Variants in DUSP19 observed in about 807,000 individuals in gnomAD.
DUSP19 encodes the protein dual specificity protein phosphatase 19.
Under a neutral mutation model 16.6 loss-of-function variants are expected in DUSP19, and 14 were observed. That is an observed-to-expected ratio of 0.84 (90% CI 0.56 to 1.32). The LOEUF (loss-of-function observed/expected upper bound fraction) is 1.32, where lower values mean the gene tolerates loss of function less well. Ranked by LOEUF, DUSP19 falls within the 40% of genes most tolerant of loss-of-function variation. The pLI is 0.00. For missense variants in DUSP19, 258 were observed against 255.9 expected (o/e 1.01, Z -0.06); for synonymous variants, 81 against 90.5 (o/e 0.90, Z 0.59).
At chr2:183,081,269 TAGGGTCTCAA>T (rs1324036368) in intron 1 of DUSP19, among the ~76,000 whole-genome samples, 1 of 152,124 alleles carries the variant, frequency 6.6e-6, no homozygotes, top group Non-Finnish European at 1.5e-5. Flanking sequence ...TATTTTGAGA[TAGGGTCTCAA>T]AATAAATCCA....
At position 183,099,318 on chromosome 2, in the gene DUSP19, A is replaced by G. The variant is rs547092005; in HGVS notation, c.*3660A>G. The G allele has an allele frequency of 6.6e-6, 1 of 152,278 alleles. No homozygotes were observed. Among genetic ancestry groups the G allele is most frequent in the Non-Finnish European group, 1.5e-5 (1 of 68,002 alleles). 9.4% of individuals were successfully genotyped at this position (152,278 alleles called of 1,614,324 possible). On this transcript the variant is annotated 3_prime_UTR_variant, in exon 4 of 4. Transcript: ENST00000354221. ...AGAAATGTGGCATGATTACTTATTTATTTGTTCCAGGTGACTCTAAATAGT... is the reference window on the plus strand; with the variant it reads ...AGAAATGTGGCATGATTACTTATTTGTTTGTTCCAGGTGACTCTAAATAGT...
In DUSP19 at chr2:183,097,032, T is replaced by C. The variant is rs999732476; in HGVS notation, c.*1374T>C. 6.6e-6 allele frequency: 1 copy of C among 151,300 alleles called. No individual in the cohort carries two copies. Among genetic ancestry groups the C allele is most frequent in the African/African-American group, 2.4e-5 (1 of 41,172 alleles). 9.4% of individuals were successfully genotyped at this position (151,300 alleles called of 1,614,324 possible). A position where few individuals can be genotyped will look rare whatever the true frequency, so the allele number is the denominator to read the frequency against. On this transcript the variant is annotated 3_prime_UTR_variant, in exon 4 of 4. Coordinates refer to ENST00000354221, the MANE Select transcript of DUSP19 (RefSeq NM_080876.4). ...AGACAGTTTCTTTTTTCTTTTCTTT[T>C]TTTTTTTTTTCGAGACAGGGTCTTG...
At position 183,095,749 on chromosome 2, in the gene DUSP19, C is replaced by T. The variant is rs35941903; in HGVS notation, c.*91C>T. The T allele has an allele frequency of 0.098, 97,435 of 996,654 alleles. 5,775 individuals carry two copies. The highest frequency in any genetic ancestry group is 0.24 in the African/African-American group (14,289 of 60,632). The allele number at this position is 996,654 out of a possible 1,614,324, so 61.7% of individuals were successfully genotyped here. Reference sequence around the variant, plus strand: ...TTTTTTGGAGAGTAGACTAGCAAAACTCCCTTTTTTCTCTTGCCTTTTTTA... The same window carrying T: ...TTTTTTGGAGAGTAGACTAGCAAAATTCCCTTTTTTCTCTTGCCTTTTTTA... On this transcript the variant is annotated 3_prime_UTR_variant, in exon 4 of 4. Transcript: ENST00000354221.
intron 2 of DUSP19, among the ~76,000 whole-genome samples, chr2:183,085,847 GTTTTTTTTTTTTTTT>G (rs71008261): frequency 0.041 from 2,097 of 50,902 alleles, 42 homozygotes; most frequent in Non-Finnish European, 0.062. Flanking sequence ...AGGTTGTTAG[GTTTTTTTTTTTTTTT>G]TTTTTTTTTT....
rs998867430 is a variant in DUSP19, at chr2:183,099,771, A to T, written c.*4113A>T. On this transcript the variant is annotated 3_prime_UTR_variant, in exon 4 of 4. Coordinates refer to ENST00000354221, the MANE Select transcript of DUSP19 (RefSeq NM_080876.4). ...ATCCCAACATTTTGGGAGGCCAAGG[A>T]GATGGATCACTTGAGGCCAGGAGTT... 1 of 151,798 alleles carries T rather than the reference A, an allele frequency of 6.6e-6. No homozygotes were observed. The highest frequency in any genetic ancestry group is 2.4e-5 in the African/African-American group (1 of 41,134). 9.4% of individuals were successfully genotyped at this position (151,798 alleles called of 1,614,324 possible).
In DUSP19 at chr2:183,079,173, C is replaced by CT. The variant is rs778151217; in HGVS notation, c.226+16dup. 16 of 1,607,230 alleles carry CT rather than the reference C, an allele frequency of 1.0e-5. No individual in the cohort carries two copies. The Admixed American group carries it at 2.7e-4, about 27-fold the overall frequency. On this transcript the variant is annotated intron_variant, in intron 1 of 3. Coordinates refer to ENST00000354221, the MANE Select transcript of DUSP19 (RefSeq NM_080876.4). ...GGTTGCTCCTAGGTGAGTATATCGA[C>CT]TTGCCACTAGATCATTGAGTCCTTT...
At position 183,078,879 on chromosome 2, in the gene DUSP19, C is replaced by A; in HGVS notation, c.-55C>A. ...GGCAATAAGGGACTAGCAGTTCAGC[C>A]GTTTTCTATGCCTGCTGGATTTGTT... On this transcript the variant is annotated 5_prime_UTR_variant, in exon 1 of 4. Coordinates refer to ENST00000354221, the MANE Select transcript of DUSP19 (RefSeq NM_080876.4). 3 of 1,537,746 alleles carry A rather than the reference C, an allele frequency of 2.0e-6. No individual in the cohort carries two copies. The highest frequency in any genetic ancestry group is 8.9e-7 in the Non-Finnish European group (1 of 1,121,208).
At chr2:183,082,314 C>T (rs1399097062) in intron 1 of DUSP19, among the ~76,000 whole-genome samples, 2 of 151,816 alleles carry the variant, frequency 1.3e-5, no homozygotes, top group Admixed American at 6.6e-5. Flanking sequence ...TCTATGTATA[C>T]CTCCTTTCCA....
In DUSP19 at chr2:183,096,672, C is replaced by G. The variant is rs1699807382; in HGVS notation, c.*1014C>G. The G allele has an allele frequency of 6.7e-6, 1 of 148,396 alleles. No individual in the cohort carries two copies. Among genetic ancestry groups the G allele is most frequent in the Non-Finnish European group, 1.5e-5 (1 of 67,304 alleles). The allele number at this position is 148,396 out of a possible 1,614,324, so 9.2% of individuals were successfully genotyped here. A position where few individuals can be genotyped will look rare whatever the true frequency, so the allele number is the denominator to read the frequency against. The stretch of plus-strand genomic sequence containing the variant: ...TTCTCTTACATTTTGTGCTTTTTAT[C>G]TTGGGTGCCTAGCATTCTGTTTTTT... On this transcript the variant is annotated 3_prime_UTR_variant, in exon 4 of 4. Transcript: ENST00000354221.
chr2:183,100,008 AT>A (rs1283494741), downstream of DUSP19: 2 of 149,048 alleles, frequency 1.3e-5, no homozygotes, highest in African/African-American at 2.5e-5. Flanking sequence ...AAAAAAAAAA[AT>A]GTTGGGAAGA....
intron 2 of DUSP19, among the ~76,000 whole-genome samples, chr2:183,085,959 G>A (rs1699656953): frequency 7.4e-6 from 1 of 135,500 alleles, no homozygotes; most frequent in South Asian, 2.4e-4. Flanking sequence ...TTTACCTCCT[G>A]GGTTCAAGTG....
chr2:183,082,821 C>T (rs551670790), intron 1 of DUSP19, among the ~76,000 whole-genome samples: 3 of 151,044 alleles, frequency 2.0e-5, no homozygotes, highest in Admixed American at 6.6e-5. Flanking sequence ...TTCGTTCGTT[C>T]GTTCGTTCCT....
At chr2:183,091,769 AG>A (rs1321376957) in intron 3 of DUSP19, among the ~76,000 whole-genome samples, 2 of 152,226 alleles carry the variant, frequency 1.3e-5, no homozygotes, top group Non-Finnish European at 2.9e-5. Context: ...CAAAGGCAGT[AG>A]CCCCCGGTGC....
intron 1 of DUSP19, among the ~76,000 whole-genome samples, chr2:183,081,194 C>A (rs1472603428): frequency 6.6e-6 from 1 of 152,124 alleles, no homozygotes; most frequent in Non-Finnish European, 1.5e-5. Context: ...AGATTTTAGA[C>A]AGCATTTTTG....
At position 183,095,712 on chromosome 2, in the gene DUSP19, C is replaced by G; in HGVS notation, c.*54C>G. The G allele has an allele frequency of 2.9e-6, 4 of 1,401,988 alleles. No individual in the cohort carries two copies. The highest frequency in any genetic ancestry group is 3.9e-6 in the Non-Finnish European group (4 of 1,020,418). 86.8% of individuals were successfully genotyped at this position (1,401,988 alleles called of 1,614,324 possible). On this transcript the variant is annotated 3_prime_UTR_variant, in exon 4 of 4. Transcript: ENST00000354221. ...GTAGTTTCTGAATTGACTTCTATAG[C>G]CATCTTTTCCCTTTTTTGGAGAGTA...
At chr2:183,086,080 G>C (rs1232016503) in intron 2 of DUSP19, among the ~76,000 whole-genome samples, 3 of 151,730 alleles carry the variant, frequency 2.0e-5, no homozygotes, top group Non-Finnish European at 4.4e-5. Context: ...GGAGGAGGTT[G>C]CTCAAGTGTA....
At chr2:183,081,008 C>T (rs1699585977) in intron 1 of DUSP19, among the ~76,000 whole-genome samples, 1 of 152,142 alleles carries the variant, frequency 6.6e-6, no homozygotes, top group African/African-American at 2.4e-5. Flanking sequence ...CTTTCACCTC[C>T]TCAAAGCGAC....
intron 3 of DUSP19, among the ~76,000 whole-genome samples, chr2:183,093,528 A>G (rs1046032965): frequency 2.6e-5 from 4 of 152,188 alleles, no homozygotes; most frequent in African/African-American, 7.2e-5. Context: ...GTTTGTTACT[A>G]TTTTGAGCTC....
intron 3 of DUSP19, among the ~76,000 whole-genome samples, chr2:183,094,889 C>T (rs1037011274): frequency 6.6e-6 from 1 of 152,086 alleles, no homozygotes; most frequent in African/African-American, 2.4e-5. Flanking sequence ...TTCTGGCTTT[C>T]TGTTTAGCTT....
Sources: gnomAD v4.1 joint callset for allele counts (sites outside exome capture counted in the v4.1 genomes callset) on GRCh38, gnomAD v4.1.1 for gene constraint, MANE v1.5 for transcripts, NCBI Gene and HGNC (gene_info 2026-07-23, HGNC 2026-07-21) for gene names.